Variants in NSRP1 observed in about 807,000 individuals in gnomAD.
NSRP1 encodes coiled-coil domain containing 55.
NSRP1 carries 24 observed loss-of-function variants against 54.7 expected under a neutral mutation model. That is an observed-to-expected ratio of 0.44 (90% confidence interval 0.32 to 0.62). The LOEUF is 0.62. Ranked by LOEUF, NSRP1 falls within the 20% of genes least tolerant of loss-of-function variation. The pLI, the probability that NSRP1 is intolerant of heterozygous loss-of-function variation, is 0.06. For synonymous variants in NSRP1, 210 were observed against 213.8 expected (o/e 0.98, Z 0.15); for missense variants, 596 against 651.2 (o/e 0.92, Z 0.92).
At chr17:30,175,177 T>C (rs1371618512) in intron 3 of NSRP1, among the ~76,000 whole-genome samples, 3 of 152,196 alleles carry the variant, frequency 2.0e-5, no homozygotes, top group South Asian at 2.1e-4. Flanking sequence ...TTTTCTAATA[T>C]ATGCATTTAA....
intron 2 of NSRP1, among the ~76,000 whole-genome samples, chr17:30,151,340 T>C (rs1321760958): frequency 6.6e-6 from 1 of 152,176 alleles, no homozygotes; most frequent in Non-Finnish European, 1.5e-5. Flanking sequence ...TGAAAACTTT[T>C]GACTACCCCA....
intron 2 of NSRP1, among the ~76,000 whole-genome samples, chr17:30,132,694 T>C (rs1247333337): frequency 6.6e-6 from 1 of 152,236 alleles, no homozygotes; most frequent in Non-Finnish European, 1.5e-5. Flanking sequence ...TAATTCTAGT[T>C]CTCTTGCCAT....
chr17:30,174,922 G>T (rs899407150), intron 3 of NSRP1, among the ~76,000 whole-genome samples: 1 of 152,146 alleles, frequency 6.6e-6, no homozygotes, highest in African/African-American at 2.4e-5. Context: ...TCATAAGTGA[G>T]ACTGGGCAGA....
chr17:30,184,920 G>C lies in NSRP1; in HGVS notation c.923G>C (p.Arg308Pro). 6.2e-7 allele frequency: 1 copy of C among 1,614,124 alleles called. No homozygotes were observed. The highest frequency in any genetic ancestry group is 8.5e-7 in the Non-Finnish European group (1 of 1,180,040). Residue 308 changes from arginine (R) to proline (P), a missense_variant, in exon 7 of 7, where the codon CGA becomes CCA. By Grantham distance (103) the Arg-to-Pro change is moderately radical (BLOSUM62 -2). Transcript: ENST00000247026. The stretch of plus-strand genomic sequence containing the variant: ...ACCAGGCACCACACGAAAGGATCAC[G>C]AACGTCGAGAGGACATGAGAAAAGG... Reference protein sequence around the residue: ...HSTRHHTKGSRTSRGHEKRED... With the variant: ...HSTRHHTKGSPTSRGHEKRED...
intron 2 of NSRP1, among the ~76,000 whole-genome samples, chr17:30,120,413 A>G (rs146378713): frequency 6.6e-4 from 101 of 152,338 alleles, no homozygotes; most frequent in Middle Eastern, 3.4e-3. Flanking sequence ...ACTAATTACA[A>G]CTTTTGAATT....
intron 2 of NSRP1, among the ~76,000 whole-genome samples, chr17:30,163,469 G>A (rs979466606): frequency 1.3e-5 from 2 of 151,846 alleles, no homozygotes; most frequent in African/African-American, 2.4e-5. Flanking sequence ...TTTTCTCTTC[G>A]ATTTATCTGA....
intron 2 of NSRP1, among the ~76,000 whole-genome samples, chr17:30,171,853 G>A (rs1435453455): frequency 6.6e-6 from 1 of 151,128 alleles, no homozygotes; most frequent in African/African-American, 2.4e-5. Context: ...AAAATAGTTT[G>A]CTTTTTGTAA....
chr17:30,169,989 A>G (rs73276861), intron 2 of NSRP1, among the ~76,000 whole-genome samples: 2,400 of 152,216 alleles, frequency 0.016, 68 homozygotes, highest in African/African-American at 0.054. Context: ...TGTATATTTA[A>G]GACTTCGTTT....
chr17:30,116,967 C>T (rs2071539347), intron 1 of NSRP1, 104 bp downstream of exon 1: 5 of 1,379,582 alleles, frequency 3.6e-6, no homozygotes, highest in Admixed American at 2.0e-5. Flanking sequence ...GGGACTGTGT[C>T]GTCAAGGGTA....
chr17:30,146,646 A>G (rs1172380507), intron 2 of NSRP1, among the ~76,000 whole-genome samples: 1 of 152,130 alleles, frequency 6.6e-6, no homozygotes, highest in Non-Finnish European at 1.5e-5. Flanking sequence ...TTTCAGGAAT[A>G]TATATATTTT....
At chr17:30,182,677 A>G (rs1261693482) in intron 6 of NSRP1, among the ~76,000 whole-genome samples, 6 of 147,750 alleles carry the variant, frequency 4.1e-5, no homozygotes, top group African/African-American at 1.3e-4. Flanking sequence ...GCTCATGCCT[A>G]TAATCCCAGC....
chr17:30,140,520 C>CTTTTTT (rs10608409), intron 2 of NSRP1, among the ~76,000 whole-genome samples: 1 of 50,316 alleles, frequency 2.0e-5, no homozygotes, highest in Non-Finnish European at 3.7e-5. Flanking sequence ...TCAGATTTTA[C>CTTTTTT]TTTTTTTTTT....
intron 6 of NSRP1, 24 bp from the exon 7 acceptor site, chr17:30,184,591 C>T: frequency 6.6e-7 from 1 of 1,521,192 alleles, no homozygotes; most frequent in South Asian, 1.3e-5. Flanking sequence ...TTTTTTCTGC[C>T]CTTTTTTGTT....
At chr17:30,124,986 G>A (rs1254641591) in intron 2 of NSRP1, among the ~76,000 whole-genome samples, 1 of 152,098 alleles carries the variant, frequency 6.6e-6, no homozygotes, top group African/African-American at 2.4e-5. Context: ...ATCACTTGAG[G>A]TCAGTAGTTC....
In NSRP1 at chr17:30,117,029, A is replaced by T. The variant is rs768462103; in HGVS notation, c.20+166A>T. 48 of 934,052 alleles carry T rather than the reference A, an allele frequency of 5.1e-5. 1 individual carries two copies. Among genetic ancestry groups the T allele is most frequent in the Middle Eastern group, 2.1e-4 (1 of 4,834 alleles). 57.9% of individuals were successfully genotyped at this position (934,052 alleles called of 1,614,324 possible). On this transcript the variant is annotated intron_variant, in intron 1 of 6. Coordinates refer to ENST00000247026, the MANE Select transcript of NSRP1 (RefSeq NM_032141.4). ...AGGAACATAGATTCCCCTCCCCCGTACATTTTCCCGGATGGAAGCCCGAAG... is the reference window on the plus strand; with the variant it reads ...AGGAACATAGATTCCCCTCCCCCGTTCATTTTCCCGGATGGAAGCCCGAAG...
intron 3 of NSRP1, among the ~76,000 whole-genome samples, chr17:30,176,889 T>C (rs1248292444): frequency 1.3e-5 from 2 of 152,192 alleles, no homozygotes; most frequent in East Asian, 3.8e-4. Flanking sequence ...AATGTTGGTA[T>C]GTAAAAACCC....
rs1164288466 is a variant in NSRP1, at chr17:30,152,418, T to G, written c.115-20124T>G. Among the ~76,000 whole-genome samples the G allele has an allele frequency of 9.6e-5, 13 of 135,082 alleles. No homozygotes were observed. The Admixed American group carries it at 1.1e-3, about 11-fold the overall frequency. The allele number at this position is 135,082 out of a possible 152,430, so 88.6% of individuals were successfully genotyped here. On this transcript the variant is annotated intron_variant, in intron 2 of 6. Transcript: ENST00000247026. ...CAGGCGTGAGCCACCGTGCCCAGCCTAAGAATTTTTTTTTTTTTTTTTTTG... is the reference window on the plus strand; with the variant it reads ...CAGGCGTGAGCCACCGTGCCCAGCCGAAGAATTTTTTTTTTTTTTTTTTTG...
chr17:30,135,837 G>A (rs559668469), intron 2 of NSRP1, among the ~76,000 whole-genome samples: 2 of 152,198 alleles, frequency 1.3e-5, no homozygotes, highest in African/African-American at 4.8e-5. Flanking sequence ...ATTCATATAG[G>A]TGAAATCCCT....
intron 3 of NSRP1, among the ~76,000 whole-genome samples, chr17:30,176,377 A>G (rs1483950330): frequency 6.6e-6 from 1 of 152,092 alleles, no homozygotes; most frequent in Non-Finnish European, 1.5e-5. Context: ...TTGGAAGGCC[A>G]AGGTGGGTAG....
Sources: gnomAD v4.1 joint callset for allele counts (sites outside exome capture counted in the v4.1 genomes callset) on GRCh38, gnomAD v4.1.1 for gene constraint, MANE v1.5 for transcripts, NCBI Gene and HGNC (gene_info 2026-07-23, HGNC 2026-07-21) for gene names.